Variants in PSME3IP1 observed in about 807,000 individuals in gnomAD.
PSME3IP1 encodes proteasome activator subunit 3 interacting protein 1.
A neutral mutation model predicts 34.1 loss-of-function variants in PSME3IP1; 13 were observed. That is an observed-to-expected ratio of 0.38 (90% confidence interval 0.25 to 0.61). PSME3IP1 has a LOEUF of 0.61. Among genes scored for constraint, PSME3IP1 ranks in the 20% least tolerant of loss-of-function variants. The probability of loss-of-function intolerance (pLI) is 0.60; values close to 1 mark genes in which losing one functional copy is unlikely to be tolerated. For synonymous variants in PSME3IP1, 93 were observed against 114.3 expected (o/e 0.81, Z 1.19); for missense variants, 237 against 301.4 (o/e 0.79, Z 1.58).
intron 4 of PSME3IP1, 108 bp downstream of exon 4, chr16:57,172,143 G>C (rs2072659523): frequency 5.1e-6 from 6 of 1,178,954 alleles, no homozygotes; most frequent in Non-Finnish European, 7.3e-6. Context: ...AGGGACTTGA[G>C]AGATCACCAG....
At chr16:57,174,724 A>G in intron 1 of PSME3IP1, 2 of 978,914 alleles carry the variant, frequency 2.0e-6, no homozygotes, top group Non-Finnish European at 2.4e-6. Context: ...CCATGAATGG[A>G]GAAAGTGAGA....
chr16:57,176,403 G>T (rs752681131), intron 1 of PSME3IP1, among the ~76,000 whole-genome samples: 7 of 152,172 alleles, frequency 4.6e-5, no homozygotes, highest in Middle Eastern at 3.4e-3. Context: ...CTCGACATCT[G>T]AATTTACCAT....
At chr16:57,177,177 T>A (rs1269117447) in intron 1 of PSME3IP1, among the ~76,000 whole-genome samples, 6 of 151,850 alleles carry the variant, frequency 4.0e-5, no homozygotes, top group African/African-American at 1.2e-4. Context: ...AGAGAAAATT[T>A]AAAAATCTTC....
At chr16:57,179,697 A>C in intron 1 of PSME3IP1, among the ~76,000 whole-genome samples, 1 of 152,232 alleles carries the variant, frequency 6.6e-6, no homozygotes, top group East Asian at 1.9e-4. Flanking sequence ...AATTAATTAG[A>C]TTGTACATGT....
chr16:57,185,997 T>C lies in PSME3IP1; in HGVS notation c.-192A>G. ...AAGAAAATAGCCTTTGCTTTTGTAT[T>C]TCTTTTGACCCTTCAGGGCTTCCTG... On this transcript the variant is annotated 5_prime_UTR_variant, in exon 1 of 7. Transcript: ENST00000309137. The C allele has an allele frequency of 1.0e-6, 1 of 985,390 alleles. No homozygotes were observed. Among genetic ancestry groups the C allele is most frequent in the Non-Finnish European group, 1.2e-6 (1 of 829,924 alleles). The allele number at this position is 985,390 out of a possible 1,614,324, so 61.0% of individuals were successfully genotyped here.
At chr16:57,159,874 G>C (rs2071017082) in intron 6 of PSME3IP1, among the ~76,000 whole-genome samples, 2 of 152,238 alleles carry the variant, frequency 1.3e-5, no homozygotes, top group Middle Eastern at 3.4e-3. Flanking sequence ...CCTATGCCAA[G>C]AGCATTTAAC....
At chr16:57,184,102 A>C (rs1200951819) in intron 1 of PSME3IP1, among the ~76,000 whole-genome samples, 1 of 152,212 alleles carries the variant, frequency 6.6e-6, no homozygotes, top group Admixed American at 6.5e-5. Flanking sequence ...AGAAACTAAA[A>C]ATTGCAATAT....
intron 1 of PSME3IP1, chr16:57,185,556 T>C (rs2074101064): frequency 1.0e-6 from 1 of 985,480 alleles, no homozygotes; most frequent in Non-Finnish European, 1.2e-6. Flanking sequence ...TAGCAGAAAA[T>C]TGGGGAAACC....
At chr16:57,165,155 A>T (rs1438041518) in intron 5 of PSME3IP1, among the ~76,000 whole-genome samples, 3 of 148,808 alleles carry the variant, frequency 2.0e-5, no homozygotes, top group Admixed American at 2.0e-4. Flanking sequence ...AGACACTGTT[A>T]TATATATATA....
At chr16:57,168,865 AT>A (rs113592538) in intron 4 of PSME3IP1, among the ~76,000 whole-genome samples, 2 of 151,752 alleles carry the variant, frequency 1.3e-5, no homozygotes, top group African/African-American at 4.8e-5. Context: ...CCAAAAAAAA[AT>A]TAGCATGTTG....
intron 4 of PSME3IP1, among the ~76,000 whole-genome samples, chr16:57,169,247 C>A (rs1006134206): frequency 6.6e-6 from 1 of 152,184 alleles, no homozygotes; most frequent in Non-Finnish European, 1.5e-5. Context: ...TTAACATACA[C>A]AATACTGCTA....
chr16:57,181,914 G>A (rs1476074840), intron 1 of PSME3IP1: 2 of 152,226 alleles, frequency 1.3e-5, no homozygotes, highest in East Asian at 1.9e-4. Flanking sequence ...CTATCCAGAA[G>A]CTCCCCAATC....
chr16:57,169,912 T>G (rs775107521), intron 4 of PSME3IP1, among the ~76,000 whole-genome samples: 4 of 151,950 alleles, frequency 2.6e-5, no homozygotes, highest in Non-Finnish European at 4.4e-5. Flanking sequence ...TCAGCCTCAA[T>G]CCTACAGTTG....
At chr16:57,170,782 G>C (rs1204544101) in intron 4 of PSME3IP1, among the ~76,000 whole-genome samples, 1 of 152,138 alleles carries the variant, frequency 6.6e-6, no homozygotes, top group Non-Finnish European at 1.5e-5. Context: ...TATAAAAAAT[G>C]ATATTACTTG....
At chr16:57,157,183 CT>C (rs1339205406) in intron 6 of PSME3IP1, among the ~76,000 whole-genome samples, 1 of 151,994 alleles carries the variant, frequency 6.6e-6, no homozygotes, top group African/African-American at 2.4e-5. Context: ...GTGGTGCACA[CT>C]TGTAGTCCCA....
chr16:57,180,049 C>T lies in PSME3IP1; in HGVS notation c.-16+5772G>A, dbSNP rs573972378. On this transcript the variant is annotated intron_variant, in intron 1 of 6. Transcript: ENST00000309137. ...GAACAACAACTACTAACAGAGAGCC[C>T]GCTGTTAGTATTTATTACTAGGCAA... is the stretch of plus-strand genomic sequence containing the variant. 3.9e-5 allele frequency among the ~76,000 whole-genome samples: 6 copies of T among 152,250 alleles called. No homozygotes were observed. In the East Asian group the frequency reaches 7.7e-4, roughly 20 times the overall value.
intron 3 of PSME3IP1, 142 bp downstream of exon 3, chr16:57,172,634 G>A: frequency 1.3e-6 from 1 of 773,586 alleles, no homozygotes; most frequent in Non-Finnish European, 2.2e-6. Context: ...GCTGAAGGCT[G>A]TCTCTTTTCC....
rs199707576 is a variant in PSME3IP1, at chr16:57,184,063, TAA to T, written c.-16+1756_-16+1757del. ...CAAAATAGTAAGAAATAAAAAACTG[TAA>T]AAGTGTCACAAACCAAACAGAACTT... is the stretch of plus-strand genomic sequence containing the variant. On this transcript the variant is annotated intron_variant, in intron 1 of 6. Coordinates refer to ENST00000309137, the MANE Select transcript of PSME3IP1 (RefSeq NM_024946.4). Among the ~76,000 whole-genome samples the T allele has an allele frequency of 7.3e-3, 1,104 of 152,212 alleles. 20 individuals are homozygous for T. The highest frequency in any genetic ancestry group is 0.026 in the African/African-American group (1,061 of 41,524).
In PSME3IP1 at chr16:57,156,259, C is replaced by A. The variant is rs115454892; in HGVS notation, c.548-1752G>T. On this transcript the variant is annotated intron_variant, in intron 6 of 6. Transcript: ENST00000309137. ...AAAAGAGAACATACGAAAATGATAA[C>A]CTGAGCTCACTGCAGAGTAAGGGTT... Among the ~76,000 whole-genome samples, 1,155 of 152,274 alleles carry A rather than the reference C, an allele frequency of 7.6e-3. 18 individuals carry two copies. Among genetic ancestry groups the A allele is most frequent in the African/African-American group, 0.026 (1,087 of 41,540 alleles).
Sources: gnomAD v4.1 joint callset for allele counts (sites outside exome capture counted in the v4.1 genomes callset) on GRCh38, gnomAD v4.1.1 for gene constraint, MANE v1.5 for transcripts, NCBI Gene and HGNC (gene_info 2026-07-23, HGNC 2026-07-21) for gene names.